The following ADRA1B variants were observed in gnomAD, a reference collection of about 807,000 sequenced individuals.
The protein encoded by ADRA1B is adrenoceptor alpha 1B.
In ADRA1B, 17 loss-of-function variants were observed where a neutral mutation model predicts 17.9. The ratio of observed to expected loss-of-function variants is 0.95; its 90% CI spans 0.65 to 1.42. The LOEUF is 1.42. ADRA1B is among the 40% of genes most tolerant of loss of function. The pLI is 0.00. For synonymous variants in ADRA1B, 366 were observed against 327.6 expected (o/e 1.12, Z -1.27); for missense variants, 681 against 722.1 (o/e 0.94, Z 0.65).
At chr5:159,921,216 C>G (rs891270194) in intron 1 of ADRA1B, among the ~76,000 whole-genome samples, 1 of 152,206 alleles carries the variant, frequency 6.6e-6, no homozygotes, top group Non-Finnish European at 1.5e-5. Context: ...TCCTCCCCAC[C>G]CTTTCCCTGT....
intron 1 of ADRA1B, among the ~76,000 whole-genome samples, chr5:159,910,483 C>A (rs2113133559): frequency 6.6e-6 from 1 of 152,282 alleles, no homozygotes; most frequent in East Asian, 1.9e-4. Context: ...TCTTTCTGGG[C>A]CTTCTGTGTT....
At chr5:159,903,662 A>G (rs1030214587) in intron 1 of ADRA1B, among the ~76,000 whole-genome samples, 7 of 152,118 alleles carry the variant, frequency 4.6e-5, no homozygotes, top group Non-Finnish European at 8.8e-5. Flanking sequence ...GGGCGGCCAC[A>G]TTCACTCAGC....
the ADRA1B span, among the ~76,000 whole-genome samples, chr5:159,984,151 G>C: frequency 6.6e-6 from 1 of 151,970 alleles, no homozygotes; most frequent in Non-Finnish European, 1.5e-5. Context: ...TAAATGTTGA[G>C]GTTTCTAGGA....
intron 1 of ADRA1B, among the ~76,000 whole-genome samples, chr5:159,894,794 C>T (rs908407696): frequency 6.6e-6 from 1 of 152,062 alleles, no homozygotes; most frequent in African/African-American, 2.4e-5. Flanking sequence ...TCTCTAGCCC[C>T]AGGAAGGTGA....
At chr5:159,884,854 C>T (rs1396821730) in intron 1 of ADRA1B, among the ~76,000 whole-genome samples, 1 of 152,226 alleles carries the variant, frequency 6.6e-6, no homozygotes, top group Admixed American at 6.5e-5. Flanking sequence ...ATATGTACAA[C>T]TGAAAAGGCA....
intron 1 of ADRA1B, chr5:159,955,291 C>A (rs1029100688): frequency 8.2e-5 from 59 of 715,720 alleles, no homozygotes; most frequent in Non-Finnish European, 9.4e-5. Context: ...CTGAGCCAAA[C>A]AAGCGAGAGG....
At chr5:159,976,235 G>A (rs1755972431), downstream of ADRA1B, among the ~76,000 whole-genome samples, 1 of 152,160 alleles carries the variant, frequency 6.6e-6, no homozygotes, top group Non-Finnish European at 1.5e-5. Flanking sequence ...TTATTTACTT[G>A]GATGTATGAA....
At chr5:159,914,225 G>A (rs1053171702), upstream of ADRA1B, among the ~76,000 whole-genome samples, 1 of 152,176 alleles carries the variant, frequency 6.6e-6, no homozygotes, top group Non-Finnish European at 1.5e-5. Context: ...ACCAATGACA[G>A]CCTCTCCTTT....
At chr5:159,987,878 C>T in the ADRA1B span, among the ~76,000 whole-genome samples, 1 of 152,128 alleles carries the variant, frequency 6.6e-6, no homozygotes, top group Admixed American at 6.5e-5. Context: ...GCAGACGTGT[C>T]GCTTCTCCTC....
At chr5:159,865,156 G>A (rs1359765314) in exon 1 of ADRA1B, 1 of 152,178 alleles carries the variant, frequency 6.6e-6, no homozygotes, top group African/African-American at 2.4e-5. Flanking sequence ...AAGAAAATCT[G>A]AGGGATCCTC....
intron 1 of ADRA1B, among the ~76,000 whole-genome samples, chr5:159,904,569 G>GA (rs1157483727): frequency 6.6e-6 from 1 of 152,178 alleles, no homozygotes; most frequent in Admixed American, 6.5e-5. Context: ...CTCCAGCCCA[G>GA]AAAAATCTCT....
intron 1 of ADRA1B, among the ~76,000 whole-genome samples, chr5:159,939,186 G>T (rs1162887279): frequency 6.6e-6 from 1 of 150,788 alleles, no homozygotes; most frequent in Non-Finnish European, 1.5e-5. Flanking sequence ...CAGAGCTACT[G>T]GTTTTCATTT....
intron 1 of ADRA1B, among the ~76,000 whole-genome samples, chr5:159,886,399 A>G (rs1581020107): frequency 6.6e-6 from 1 of 152,272 alleles, no homozygotes; most frequent in South Asian, 2.1e-4. Flanking sequence ...CAGGAGCAAG[A>G]TCCTTGCCAA....
At chr5:159,908,398 G>T (rs1280216957) in intron 1 of ADRA1B, among the ~76,000 whole-genome samples, 1 of 152,182 alleles carries the variant, frequency 6.6e-6, no homozygotes, top group Non-Finnish European at 1.5e-5. Flanking sequence ...AGTGGGGCCT[G>T]GTGGGAGGTG....
upstream of ADRA1B, among the ~76,000 whole-genome samples, chr5:159,915,176 G>A (rs1189350521): frequency 2.6e-5 from 4 of 152,160 alleles, no homozygotes; most frequent in Admixed American, 1.3e-4. Flanking sequence ...TGCCCCGGGG[G>A]AAAAGTATGA....
upstream of ADRA1B, among the ~76,000 whole-genome samples, chr5:159,911,499 C>T (rs1168270921): frequency 6.6e-6 from 1 of 152,190 alleles, no homozygotes; most frequent in Admixed American, 6.5e-5. Flanking sequence ...GACTTTCAAC[C>T]CCTGGGTGAC....
rs757243904 is a variant in ADRA1B, at chr5:159,972,042, C to CCGCCGCCGA, written c.1122_1130dup (p.Arg378_Arg380dup). On this transcript the variant is annotated inframe_insertion, in exon 2 of 2. Transcript: ENST00000306675. ...TCGGGTGCCAGTGCCGCGGCCGCGG[C>CCGCCGCCGA]CGCCGCCGACGCCGCCGCCGCCGTC... 5,384 of 1,382,962 alleles carry CCGCCGCCGA rather than the reference C, an allele frequency of 3.9e-3. 13 individuals carry two copies. Among genetic ancestry groups the CCGCCGCCGA allele is most frequent in the Non-Finnish European group, 4.7e-3 (5,051 of 1,067,700 alleles). 85.7% of individuals were successfully genotyped at this position (1,382,962 alleles called of 1,614,324 possible).
chr5:159,917,657 T>C lies in ADRA1B; in HGVS notation c.752T>C (p.Leu251Pro), dbSNP rs1347297224. ...VMKEMSNSKE[L>P]TLRIHSKNFH... ...AAGGAGATGTCCAACTCCAAGGAGC[T>C]GACCCTGAGGATCCATTCCAAGAAC... is the stretch of plus-strand genomic sequence containing the variant. Residue 251 changes from leucine to proline, a missense_variant, in exon 1 of 2, where the codon CTG becomes CCG. Physicochemically the swap from Leu to Pro is moderately conservative, Grantham distance 98 (BLOSUM62 -3). Coordinates refer to ENST00000306675, the MANE Select transcript of ADRA1B (RefSeq NM_000679.4). The C allele has an allele frequency of 6.2e-7, 1 of 1,613,612 alleles. No individual in the cohort carries two copies. Among genetic ancestry groups the C allele is most frequent in the African/African-American group, 1.3e-5 (1 of 74,736 alleles).
downstream of ADRA1B, among the ~76,000 whole-genome samples, chr5:159,976,802 T>G (rs1380024235): frequency 6.6e-6 from 1 of 152,176 alleles, no homozygotes; most frequent in Non-Finnish European, 1.5e-5. Context: ...ATACATGTGT[T>G]AGGATTAGCA....
Sources: allele counts gnomAD v4.1 joint callset (sites outside exome capture counted in the v4.1 genomes callset), GRCh38; gene constraint gnomAD v4.1.1; transcripts MANE v1.5; gene names NCBI Gene and HGNC (gene_info 2026-07-23, HGNC 2026-07-21).